The following COL22A1 variants were observed in gnomAD, a reference collection of about 807,000 sequenced individuals.
The protein encoded by COL22A1 is collagen alpha-1(XXII) chain.
A neutral mutation model predicts 248.9 loss-of-function variants in COL22A1; 221 were observed. That is an observed-to-expected ratio of 0.89 (90% CI 0.80 to 0.99). The LOEUF (loss-of-function observed/expected upper bound fraction) is 0.99, where lower values mean the gene tolerates loss of function less well. Among genes scored for constraint, COL22A1 ranks in the 50% least tolerant of loss-of-function variants. The probability of loss-of-function intolerance (pLI) is 0.00; values close to 1 mark genes in which losing one functional copy is unlikely to be tolerated. For missense variants in COL22A1, 2,240 were observed against 2,179.0 expected (o/e 1.03, Z -0.56); for synonymous variants, 891 against 793.4 (o/e 1.12, Z -2.07).
At chr8:138,821,633 C>A (rs1360038904) in intron 6 of COL22A1, among the ~76,000 whole-genome samples, 3 of 152,184 alleles carry the variant, frequency 2.0e-5, no homozygotes, top group African/African-American at 7.2e-5. Flanking sequence ...GTCTACCTTG[C>A]AGGCTGTTCT....
chr8:138,850,960 C>T (rs1011477541), intron 3 of COL22A1, among the ~76,000 whole-genome samples: 16 of 152,206 alleles, frequency 1.1e-4, no homozygotes, highest in African/African-American at 1.9e-4. Context: ...GCCTGGCACA[C>T]GTCTCAGTGC....
intron 4 of COL22A1, among the ~76,000 whole-genome samples, chr8:138,835,576 G>C (rs138257686): frequency 3.3e-5 from 5 of 152,246 alleles, no homozygotes; most frequent in Admixed American, 6.5e-5. Flanking sequence ...TGCTGAGTTC[G>C]CCACCCTATC....
chr8:138,838,991 T>A (rs558114549), intron 4 of COL22A1, among the ~76,000 whole-genome samples: 2 of 152,208 alleles, frequency 1.3e-5, no homozygotes, highest in African/African-American at 4.8e-5. Flanking sequence ...TTAGCTGCCT[T>A]AGTTCCTCTT....
At chr8:138,720,451 G>T (rs554799565) in intron 27 of COL22A1, among the ~76,000 whole-genome samples, 5 of 151,972 alleles carry the variant, frequency 3.3e-5, no homozygotes, top group Admixed American at 1.3e-4. Flanking sequence ...TCCGGCTCTC[G>T]TGGGGGATAG....
At chr8:138,738,709 C>G (rs1466650217) in intron 22 of COL22A1, among the ~76,000 whole-genome samples, 2 of 152,150 alleles carry the variant, frequency 1.3e-5, no homozygotes, top group Non-Finnish European at 2.9e-5. Context: ...AGACTTGAAG[C>G]CTGTACCAAT....
Position 138,780,922 on chromosome 8 carries a change from C to G in COL22A1, c.1650+5G>C, listed in dbSNP as rs1814910374. ...GTGAGCCAGGGCAGACGGAACAGAA[C>G]TTACTCTCATGCCTTTGCTGCCGTC... On this transcript the variant is annotated splice_donor_5th_base_variant and intron_variant, in intron 13 of 64. Transcript: ENST00000303045. 2 of 1,613,164 alleles carry G rather than the reference C, an allele frequency of 1.2e-6. No homozygotes were observed. The highest frequency in any genetic ancestry group is 1.7e-6 in the Non-Finnish European group (2 of 1,179,280).
Position 138,802,911 on chromosome 8 carries a change from C to T in COL22A1, c.1518G>A (p.Pro506=), listed in dbSNP as rs575514821. The change falls in exon 11 of 65, where the codon CCG becomes CCA. Residue 506 remains proline, a synonymous_variant. Coordinates refer to ENST00000303045, the MANE Select transcript of COL22A1 (RefSeq NM_152888.3). ...GPKGDIGAIG[P]VGAPGPKGEK... ...CTCCCTTAGGTCCAGGAGCGCCAAC[C>T]GGCCCAATGGCTCCTATGTCTCCCT... 5.5e-5 allele frequency: 88 copies of T among 1,613,800 alleles called. No homozygotes were observed. The highest frequency in any genetic ancestry group is 6.9e-5 in the Non-Finnish European group (81 of 1,179,816).
At chr8:138,772,220 T>C (rs1834428610) in intron 16 of COL22A1, among the ~76,000 whole-genome samples, 1 of 152,210 alleles carries the variant, frequency 6.6e-6, no homozygotes, top group Non-Finnish European at 1.5e-5. Flanking sequence ...TGCTCACCCA[T>C]GTGTCAACAG....
intron 18 of COL22A1, among the ~76,000 whole-genome samples, chr8:138,756,999 C>T (rs1340020278): frequency 1.3e-5 from 2 of 152,200 alleles, no homozygotes; most frequent in Non-Finnish European, 1.5e-5. Flanking sequence ...AAACGCTTCT[C>T]TATTCTGTTT....
intron 30 of COL22A1, among the ~76,000 whole-genome samples, chr8:138,703,578 T>C (rs1828147329): frequency 6.6e-6 from 1 of 152,232 alleles, no homozygotes; most frequent in Non-Finnish European, 1.5e-5. Flanking sequence ...TTTTCAGAAG[T>C]ATCCATATTG....
intron 15 of COL22A1, 36 bp downstream of exon 15, chr8:138,778,317 G>A (rs752282123): frequency 1.7e-5 from 27 of 1,613,466 alleles, no homozygotes; most frequent in Admixed American, 1.7e-4. Context: ...CTGGAGAAGG[G>A]GTAGAACCCC....
In COL22A1 at chr8:138,751,478, G is replaced by A. The variant is rs1180448247; in HGVS notation, c.2065C>T (p.Pro689Ser). 1 of 1,612,834 alleles carries A rather than the reference G, an allele frequency of 6.2e-7. No homozygotes were observed. The highest frequency in any genetic ancestry group is 1.1e-5 in the South Asian group (1 of 90,862). The change falls in exon 22 of 65, where the codon CCT (proline) becomes TCT (serine). Residue 689 changes from proline (P) to serine (S), a missense_variant. Transcript: ENST00000303045. ...PIGPEGRDGPPGLQGLRGKKG... is the reference protein window; with the variant it reads ...PIGPEGRDGPSGLQGLRGKKG... The stretch of plus-strand genomic sequence containing the variant: ...CTTACTCGGAGACCTTGCAAACCAG[G>A]AGGTCCATCCCTGCCTTCTGGGCCT...
chr8:138,667,774 G>A (rs960471380), intron 41 of COL22A1, among the ~76,000 whole-genome samples: 3 of 152,008 alleles, frequency 2.0e-5, no homozygotes, highest in Admixed American at 6.6e-5. Context: ...TAATTGGTAC[G>A]AGCATTAGAC....
At position 138,634,280 on chromosome 8, in the gene COL22A1, G is replaced by C. The variant is rs551110886; in HGVS notation, c.3609+730C>G. 7.9e-5 allele frequency among the ~76,000 whole-genome samples: 12 copies of C among 152,158 alleles called. No homozygotes were observed. In the South Asian group the frequency reaches 1.7e-3, roughly 21 times the overall value. On this transcript the variant is annotated intron_variant, in intron 49 of 64. Transcript: ENST00000303045. ...ACAGGGTATTTCCTATTTGAAGGGG[G>C]ATCCTTTTCGGTGGTCTTTCAGTCA...
chr8:138,883,484 G>T (rs1287780783), intron 1 of COL22A1, among the ~76,000 whole-genome samples: 1 of 152,180 alleles, frequency 6.6e-6, no homozygotes, highest in Admixed American at 6.5e-5. Flanking sequence ...CTTGCAGAAG[G>T]GAGTAGGAGA....
intron 8 of COL22A1, 73 bp downstream of exon 8, chr8:138,812,865 GC>G (rs1342451717): frequency 8.7e-7 from 1 of 1,146,968 alleles, no homozygotes. Flanking sequence ...CCAACCCTAA[GC>G]TCTGGATTCC....
chr8:138,828,390 C>T (rs1819764637), intron 5 of COL22A1, among the ~76,000 whole-genome samples: 1 of 152,048 alleles, frequency 6.6e-6, no homozygotes, highest in African/African-American at 2.4e-5. Context: ...CAGATACTAC[C>T]CAAGGTTCGC....
intron 23 of COL22A1, among the ~76,000 whole-genome samples, chr8:138,732,329 C>T (rs1348491677): frequency 2.6e-5 from 4 of 152,232 alleles, no homozygotes; most frequent in African/African-American, 9.6e-5. Context: ...AGTCACTCTT[C>T]CCCTGTGGGC....
chr8:138,814,896 G>T (rs1300474953), intron 7 of COL22A1, among the ~76,000 whole-genome samples: 1 of 152,148 alleles, frequency 6.6e-6, no homozygotes, highest in Admixed American at 6.5e-5. Context: ...TGTGCATCTT[G>T]CATGATATGG....
Sources: allele counts gnomAD v4.1 joint callset (sites outside exome capture counted in the v4.1 genomes callset), GRCh38; gene constraint gnomAD v4.1.1; transcripts MANE v1.5; gene names NCBI Gene and HGNC (gene_info 2026-07-23, HGNC 2026-07-21).